The following PIK3C2G variants were observed in gnomAD, a reference collection of about 807,000 sequenced individuals.
The protein encoded by PIK3C2G is phosphatidylinositol-4-phosphate 3-kinase catalytic subunit type 2 gamma.
In PIK3C2G, 168 loss-of-function variants were observed where a neutral mutation model predicts 181.1. That is an observed-to-expected ratio of 0.93 (90% CI 0.82 to 1.05). PIK3C2G has a LOEUF of 1.05. Ranked by LOEUF, PIK3C2G falls within the 50% of genes least tolerant of loss-of-function variation. PIK3C2G has a pLI of 0.00. For missense variants in PIK3C2G, 1,869 were observed against 1,732.8 expected (o/e 1.08, Z -1.40); for synonymous variants, 573 against 592.2 (o/e 0.97, Z 0.47).
intron 16 of PIK3C2G, among the ~76,000 whole-genome samples, chr12:18,407,510 A>G (rs931762737): frequency 6.6e-6 from 1 of 152,102 alleles, no homozygotes; most frequent in Non-Finnish European, 1.5e-5. Context: ...CTCACCTTAG[A>G]CACTTTGCTA....
At chr12:18,712,933 T>G in the PIK3C2G span, 1 of 1,614,004 alleles carries the variant, frequency 6.2e-7, no homozygotes, top group Non-Finnish European at 8.5e-7. Context: ...AGGTTCATTT[T>G]GTGCTCCATC....
chr12:18,701,428 T>A, the PIK3C2G span: 8 of 1,603,952 alleles, frequency 5.0e-6, no homozygotes, highest in African/African-American at 4.0e-5. Context: ...TCCAGAATTT[T>A]AAAAAAATCT....
the PIK3C2G span, among the ~76,000 whole-genome samples, chr12:18,667,336 A>G: frequency 6.6e-6 from 1 of 152,182 alleles, no homozygotes; most frequent in South Asian, 2.1e-4. Context: ...CAAGAAGTTA[A>G]CAGTCATCAA....
At chr12:18,543,725 C>A (rs1944285905) in intron 25 of PIK3C2G, among the ~76,000 whole-genome samples, 1 of 151,828 alleles carries the variant, frequency 6.6e-6, no homozygotes, top group Non-Finnish European at 1.5e-5. Flanking sequence ...TTTCTGGCCT[C>A]TCTATTTTGT....
the PIK3C2G span, chr12:18,699,664 T>C: frequency 3.0e-6 from 3 of 1,012,386 alleles, no homozygotes; most frequent in Admixed American, 5.9e-5. Context: ...AACCCCATTC[T>C]AAATTATGTT....
intron 9 of PIK3C2G, among the ~76,000 whole-genome samples, chr12:18,338,861 T>C (rs1250466480): frequency 6.6e-6 from 1 of 152,116 alleles, no homozygotes; most frequent in African/African-American, 2.4e-5. Context: ...TAATCAATCC[T>C]ACAATCCTAC....
At chr12:18,621,982 A>G (rs1948884702) in intron 31 of PIK3C2G, among the ~76,000 whole-genome samples, 1 of 151,858 alleles carries the variant, frequency 6.6e-6, no homozygotes, top group African/African-American at 2.4e-5. Context: ...CAAAAGTGAT[A>G]TTATGATTTT....
chr12:18,477,549 G>A (rs1939128141), intron 18 of PIK3C2G, among the ~76,000 whole-genome samples: 1 of 152,102 alleles, frequency 6.6e-6, no homozygotes, highest in Non-Finnish European at 1.5e-5. Context: ...GGTTGTGGAG[G>A]CCTCATAGAA....
intron 31 of PIK3C2G, among the ~76,000 whole-genome samples, chr12:18,637,459 A>G (rs994105673): frequency 6.7e-6 from 1 of 148,628 alleles, no homozygotes; most frequent in African/African-American, 2.5e-5. Flanking sequence ...TATTGATTTC[A>G]CTTCAAGGAA....
At position 18,567,257 on chromosome 12, in the gene PIK3C2G, G is replaced by C. The variant is rs141900556; in HGVS notation, c.4011+200G>C. Among the ~76,000 whole-genome samples the C allele has an allele frequency of 3.9e-5, 6 of 152,068 alleles. No homozygotes were observed. In the East Asian group the frequency reaches 1.2e-3, roughly 30 times the overall value. On this transcript the variant is annotated intron_variant, in intron 29 of 32. Transcript: ENST00000538779. ...TACAAAAAATTTTTCAAATTATCCA[G>C]GCATAGTGACACATGCCTGTAGTCC...
At position 18,573,748 on chromosome 12, in the gene PIK3C2G, G is replaced by C. The variant is rs1207743319; in HGVS notation, c.4011+6691G>C. ...ACCCAAGCTACCCCTGGTTTTAAGA[G>C]ATAGCTGCCATTTTGCTTCTCCGTC... On this transcript the variant is annotated intron_variant, in intron 29 of 32. Transcript: ENST00000538779. 4.6e-5 allele frequency among the ~76,000 whole-genome samples: 7 copies of C among 152,144 alleles called. No individual in the cohort carries two copies. In the South Asian group the frequency reaches 1.4e-3, roughly 31 times the overall value.
At chr12:18,559,311 C>T (rs889650934) in intron 26 of PIK3C2G, among the ~76,000 whole-genome samples, 4 of 152,032 alleles carry the variant, frequency 2.6e-5, no homozygotes, top group African/African-American at 9.7e-5. Context: ...AACTAGGCAA[C>T]AAGGTATACC....
At chr12:18,609,330 G>A (rs1304411351) in intron 30 of PIK3C2G, among the ~76,000 whole-genome samples, 3 of 152,064 alleles carry the variant, frequency 2.0e-5, no homozygotes, top group Non-Finnish European at 4.4e-5. Context: ...GAAATATTAG[G>A]GGAAGAGTTA....
intron 25 of PIK3C2G, among the ~76,000 whole-genome samples, chr12:18,545,621 A>G (rs1944383389): frequency 6.6e-6 from 1 of 151,938 alleles, no homozygotes; most frequent in Non-Finnish European, 1.5e-5. Context: ...TATAAACAAA[A>G]TATCTTCCTG....
intron 26 of PIK3C2G, among the ~76,000 whole-genome samples, chr12:18,555,190 T>C (rs1944939682): frequency 6.6e-6 from 1 of 152,140 alleles, no homozygotes; most frequent in Admixed American, 6.5e-5. Context: ...AAACTGTAAA[T>C]TGAAATACGC....
At chr12:18,519,021 A>G (rs1331265485) in intron 24 of PIK3C2G, among the ~76,000 whole-genome samples, 3 of 152,094 alleles carry the variant, frequency 2.0e-5, no homozygotes, top group African/African-American at 4.8e-5. Context: ...TGGTTGTTCA[A>G]TTTCTATGTA....
At chr12:18,401,336 G>A (rs1168688783) in intron 16 of PIK3C2G, among the ~76,000 whole-genome samples, 3 of 152,010 alleles carry the variant, frequency 2.0e-5, no homozygotes, top group African/African-American at 7.3e-5. Flanking sequence ...CAATTGATTG[G>A]TTTCATTGGG....
chr12:18,537,758 A>G (rs1842987754), intron 24 of PIK3C2G, among the ~76,000 whole-genome samples: 2 of 152,012 alleles, frequency 1.3e-5, no homozygotes, highest in Admixed American at 6.6e-5. Context: ...ATTTTTTTTA[A>G]TACTATAAGG....
At chr12:18,661,857 A>T in the PIK3C2G span, among the ~76,000 whole-genome samples, 2 of 152,170 alleles carry the variant, frequency 1.3e-5, no homozygotes, top group South Asian at 4.1e-4. Context: ...GACAATAGGA[A>T]TCAACCTATG....
Sources: gnomAD v4.1 joint callset for allele counts (sites outside exome capture counted in the v4.1 genomes callset) on GRCh38, gnomAD v4.1.1 for gene constraint, MANE v1.5 for transcripts, NCBI Gene and HGNC (gene_info 2026-07-23, HGNC 2026-07-21) for gene names.